C2orf76: variants seen among roughly 807,000 people sequenced by gnomAD.
The protein encoded by C2orf76 is chromosome 2 open reading frame 76.
C2orf76 carries 23 observed loss-of-function variants against 16.9 expected under a neutral mutation model. That is an observed-to-expected ratio of 1.36 (90% CI 0.98 to 1.93). The LOEUF is 1.93. C2orf76 is among the 30% of genes most tolerant of loss of function. The probability of loss-of-function intolerance (pLI) is 0.00; values close to 1 mark genes in which losing one functional copy is unlikely to be tolerated. For missense variants in C2orf76, 152 were observed against 152.6 expected (o/e 1.00, Z 0.02); for synonymous variants, 48 against 52.3 (o/e 0.92, Z 0.35).
At chr2:119,296,661 C>T in the C2orf76 span, among the ~76,000 whole-genome samples, 2 of 152,208 alleles carry the variant, frequency 1.3e-5, no homozygotes, top group Admixed American at 6.5e-5. Context: ...ATCTCTCCTG[C>T]CTGTGTCTGG....
At chr2:119,308,356 T>C (rs1253711111) in intron 5 of C2orf76, among the ~76,000 whole-genome samples, 4 of 152,314 alleles carry the variant, frequency 2.6e-5, no homozygotes, top group Middle Eastern at 3.4e-3. Context: ...AAAACAATAA[T>C]GGGGTCGGGC....
intron 2 of C2orf76, among the ~76,000 whole-genome samples, chr2:119,330,539 G>C (rs1396677905): frequency 3.3e-5 from 5 of 151,910 alleles, no homozygotes; most frequent in Non-Finnish European, 7.4e-5. Context: ...CCTTGGTGTG[G>C]CTTTCTTCAT....
rs528947684 is a variant in C2orf76 at position 119,349,457 on chromosome 2, C to A, written c.-12-9486G>T. 2.6e-5 allele frequency among the ~76,000 whole-genome samples: 4 copies of A among 152,270 alleles called. No individual in the cohort carries two copies. The East Asian group carries it at 7.7e-4, about 29-fold the overall frequency. On this transcript the variant is annotated intron_variant, in intron 1 of 5. Coordinates refer to ENST00000334816, the MANE Select transcript of C2orf76 (RefSeq NM_001322331.2). ...AAATCCAAACAGCATTCGGAGGCAC[C>A]AGAAGCAGGTCACACGCCCAGAGGA... is the stretch of plus-strand genomic sequence containing the variant.
At chr2:119,337,761 G>A (rs1453752653) in intron 2 of C2orf76, among the ~76,000 whole-genome samples, 2 of 152,202 alleles carry the variant, frequency 1.3e-5, no homozygotes, top group Non-Finnish European at 2.9e-5. Context: ...AGCAGTGGCT[G>A]TTATTCCCAC....
intron 2 of C2orf76, among the ~76,000 whole-genome samples, chr2:119,332,790 G>C (rs2104588422): frequency 6.6e-6 from 1 of 152,306 alleles, no homozygotes; most frequent in Non-Finnish European, 1.5e-5. Flanking sequence ...GAGTGCAGTG[G>C]CACAATCAAG....
chr2:119,320,662 G>A (rs560136330), intron 3 of C2orf76, among the ~76,000 whole-genome samples: 6 of 152,264 alleles, frequency 3.9e-5, no homozygotes, highest in Admixed American at 3.3e-4. Flanking sequence ...TTTATTAGGT[G>A]CATCATACCT....
At chr2:119,330,237 C>T (rs1199663015) in intron 2 of C2orf76, among the ~76,000 whole-genome samples, 1 of 151,482 alleles carries the variant, frequency 6.6e-6, no homozygotes, top group East Asian at 1.9e-4. Context: ...ATTAGCTGGG[C>T]GTGGTGGCAC....
At chr2:119,340,209 C>T (rs1332733238) in intron 1 of C2orf76, 1 of 395,696 alleles carries the variant, frequency 2.5e-6, no homozygotes, top group African/African-American at 2.0e-5. Flanking sequence ...ATGTTCTGAC[C>T]AGCAGAAAAC....
At chr2:119,337,345 A>G (rs1241273382) in intron 2 of C2orf76, among the ~76,000 whole-genome samples, 1 of 151,860 alleles carries the variant, frequency 6.6e-6, no homozygotes, top group Non-Finnish European at 1.5e-5. Context: ...TGCTGGGATT[A>G]CAGATGTGAG....
At chr2:119,347,456 T>C (rs1166065127) in intron 1 of C2orf76, among the ~76,000 whole-genome samples, 1 of 152,192 alleles carries the variant, frequency 6.6e-6, no homozygotes, top group Non-Finnish European at 1.5e-5. Context: ...TATATGATAT[T>C]ATGGTTGTGT....
At chr2:119,331,860 T>C (rs540470376) in intron 2 of C2orf76, among the ~76,000 whole-genome samples, 2 of 152,200 alleles carry the variant, frequency 1.3e-5, no homozygotes, top group Non-Finnish European at 1.5e-5. Context: ...GAAAATTATT[T>C]CCCACTTTGC....
chr2:119,339,849 T>C lies in C2orf76; in HGVS notation c.111A>G (p.Glu37=), dbSNP rs892681326. The C allele has an allele frequency of 6.2e-7, 1 of 1,605,950 alleles. No individual in the cohort carries two copies. The highest frequency in any genetic ancestry group is 8.5e-7 in the Non-Finnish European group (1 of 1,173,288). Residue 37 remains glutamate (E), a synonymous_variant, in exon 2 of 6, where the codon GAA becomes GAG. Coordinates refer to ENST00000334816, the MANE Select transcript of C2orf76 (RefSeq NM_001322331.2). ...TACCTTGCTTTAGAAATACGATAAA[T>C]TCCTTTACAGTTTGGTCCAAATTCA... ...HGVNLDQTVK[E]FIVFLKQDIP...
chr2:119,365,472 T>G (rs11676928), intron 1 of C2orf76, among the ~76,000 whole-genome samples: 1 of 152,134 alleles, frequency 6.6e-6, no homozygotes, highest in Non-Finnish European at 1.5e-5. Context: ...TGTTCCCTAT[T>G]GCATCTTCAT....
At chr2:119,358,577 CAA>C (rs58374459) in intron 1 of C2orf76, among the ~76,000 whole-genome samples, 115 of 88,306 alleles carry the variant, frequency 1.3e-3, no homozygotes, top group African/African-American at 3.1e-3. Flanking sequence ...GACTCTGTCT[CAA>C]AAAAAAAAAA....
chr2:119,304,041 G>T (rs1172862953), intron 5 of C2orf76, among the ~76,000 whole-genome samples: 1 of 152,062 alleles, frequency 6.6e-6, no homozygotes, highest in African/African-American at 2.4e-5. Context: ...GGAATCAGTG[G>T]GAAAAAGAAA....
intron 5 of C2orf76, among the ~76,000 whole-genome samples, chr2:119,309,529 C>T (rs562599143): frequency 6.7e-6 from 1 of 149,126 alleles, no homozygotes; most frequent in African/African-American, 2.5e-5. Flanking sequence ...AAGCCGTTCT[C>T]GTGCCTTAGC....
chr2:119,349,432 A>G (rs1359139675), intron 1 of C2orf76, among the ~76,000 whole-genome samples: 1 of 152,198 alleles, frequency 6.6e-6, no homozygotes, highest in Non-Finnish European at 1.5e-5. Flanking sequence ...AACACCAAAT[A>G]AATCCAAACA....
At chr2:119,348,849 T>G (rs1680291734) in intron 1 of C2orf76, among the ~76,000 whole-genome samples, 1 of 152,092 alleles carries the variant, frequency 6.6e-6, no homozygotes, top group Admixed American at 6.5e-5. Flanking sequence ...ATACAAAAGT[T>G]AGCCCGGCAT....
At chr2:119,310,648 G>C (rs956272544) in intron 5 of C2orf76, among the ~76,000 whole-genome samples, 1 of 152,210 alleles carries the variant, frequency 6.6e-6, no homozygotes, top group Non-Finnish European at 1.5e-5. Flanking sequence ...GAGGCAGGCA[G>C]ATCGCCTGAG....
Sources: allele counts gnomAD v4.1 joint callset (sites outside exome capture counted in the v4.1 genomes callset), GRCh38; gene constraint gnomAD v4.1.1; transcripts MANE v1.5; gene names NCBI Gene and HGNC (gene_info 2026-07-23, HGNC 2026-07-21).